The following RBFOX1 variants were observed in gnomAD, a reference collection of about 807,000 sequenced individuals.
The protein encoded by RBFOX1 is RNA binding fox-1 homolog 1.
In RBFOX1, 8 loss-of-function variants were observed where a neutral mutation model predicts 57.7. That is an observed-to-expected ratio of 0.14 (90% CI 0.08 to 0.25). RBFOX1 has a LOEUF of 0.25. Among genes scored for constraint, RBFOX1 ranks in the 10% least tolerant of loss-of-function variants. The probability of loss-of-function intolerance (pLI) is 1.00; values close to 1 mark genes in which losing one functional copy is unlikely to be tolerated. For missense variants in RBFOX1, 611 were observed against 548.5 expected, an observed-to-expected ratio of 1.11 and a Z score of -1.14; for synonymous variants, 326 against 222.4, an observed-to-expected ratio of 1.47 and a Z score of -4.15.
chr16:6,386,766 A>T (rs1389999858), intron 2 of RBFOX1, among the ~76,000 whole-genome samples: 1 of 152,142 alleles, frequency 6.6e-6, no homozygotes, highest in East Asian at 1.9e-4. Flanking sequence ...GGGAATCCAC[A>T]AAGATTCTCT....
chr16:6,814,815 C>T (rs1314815051), intron 3 of RBFOX1, among the ~76,000 whole-genome samples: 1 of 151,994 alleles, frequency 6.6e-6, no homozygotes, highest in East Asian at 1.9e-4. Flanking sequence ...GGGTTTATGT[C>T]CTGTGAGTGT....
intron 5 of RBFOX1, among the ~76,000 whole-genome samples, chr16:7,567,821 C>CTA (rs1425053974): frequency 4.7e-5 from 7 of 147,872 alleles, no homozygotes; most frequent in South Asian, 2.1e-4. Context: ...ATATATATAC[C>CTA]TATATATATC....
At chr16:7,534,933 G>T (rs867494242) in intron 5 of RBFOX1, among the ~76,000 whole-genome samples, 17 of 152,190 alleles carry the variant, frequency 1.1e-4, no homozygotes, top group African/African-American at 4.1e-4. Flanking sequence ...TGAGAATTCA[G>T]TGTCCTGACA....
chr16:7,107,758 A>C (rs1567285020), intron 4 of RBFOX1, among the ~76,000 whole-genome samples: 1 of 152,194 alleles, frequency 6.6e-6, no homozygotes, highest in Non-Finnish European at 1.5e-5. Flanking sequence ...ATAGCTTTTA[A>C]GCCCACACAG....
At chr16:5,909,115 C>CA (rs2058550783) in intron 4 of RBFOX1, among the ~76,000 whole-genome samples, 1 of 76,606 alleles carries the variant, frequency 1.3e-5, no homozygotes, top group Non-Finnish European at 2.4e-5. Context: ...TTTTTTGAGA[C>CA]AGAGTCTTGC....
intron 3 of RBFOX1, among the ~76,000 whole-genome samples, chr16:5,611,676 A>G (rs1567296513): frequency 6.8e-6 from 1 of 147,610 alleles, no homozygotes; most frequent in East Asian, 2.0e-4. Context: ...TCTCTCATCC[A>G]TCCATCCACC....
chr16:7,523,110 C>T (rs2077883597), intron 5 of RBFOX1, among the ~76,000 whole-genome samples: 1 of 152,170 alleles, frequency 6.6e-6, no homozygotes, highest in South Asian at 2.1e-4. Flanking sequence ...CTTTGTCTGG[C>T]TTCTTTTACT....
intron 1 of RBFOX1, among the ~76,000 whole-genome samples, chr16:6,193,210 C>T (rs1010384803): frequency 2.0e-4 from 30 of 151,252 alleles, no homozygotes; most frequent in Non-Finnish European, 1.5e-4. Context: ...TGGGGACTCT[C>T]GCAGCAGATT....
intron 3 of RBFOX1, among the ~76,000 whole-genome samples, chr16:6,945,692 A>T (rs1598027437): frequency 6.6e-6 from 1 of 152,054 alleles, no homozygotes; most frequent in African/African-American, 2.4e-5. Context: ...GGAGTTCAAG[A>T]CCAGCCTGGC....
intron 3 of RBFOX1, among the ~76,000 whole-genome samples, chr16:6,909,885 C>T (rs533578188): frequency 1.3e-5 from 2 of 152,216 alleles, no homozygotes; most frequent in South Asian, 4.1e-4. Context: ...GCCTGCATAT[C>T]GGTTCCTTTG....
At chr16:6,568,618 G>C (rs1290405898) in intron 2 of RBFOX1, among the ~76,000 whole-genome samples, 1 of 152,008 alleles carries the variant, frequency 6.6e-6, no homozygotes, top group Non-Finnish European at 1.5e-5. Context: ...GCCATCTTGG[G>C]GGTTCATTCT....
chr16:6,610,228 C>G (rs1355684516), intron 2 of RBFOX1, among the ~76,000 whole-genome samples: 2 of 152,120 alleles, frequency 1.3e-5, no homozygotes, highest in African/African-American at 4.8e-5. Flanking sequence ...TTCTTTTCCA[C>G]TGTTTGTTTT....
intron 1 of RBFOX1, among the ~76,000 whole-genome samples, chr16:6,201,622 A>T (rs1468092494): frequency 1.3e-5 from 2 of 152,262 alleles, no homozygotes; most frequent in East Asian, 3.9e-4. Flanking sequence ...GGGTGAGTAT[A>T]GTTAACTATA....
At chr16:5,748,393 G>A (rs1218113114) in intron 3 of RBFOX1, among the ~76,000 whole-genome samples, 2 of 152,178 alleles carry the variant, frequency 1.3e-5, no homozygotes, top group African/African-American at 2.4e-5. Context: ...TATTAGGTCT[G>A]CTTGGTGCAG....
intron 3 of RBFOX1, among the ~76,000 whole-genome samples, chr16:5,683,700 G>A (rs1033921001): frequency 6.6e-6 from 1 of 151,194 alleles, no homozygotes; most frequent in Non-Finnish European, 1.5e-5. Context: ...GTGGTCTTGT[G>A]ATCATGTAAG....
intron 3 of RBFOX1, among the ~76,000 whole-genome samples, chr16:5,790,205 C>T (rs2054642869): frequency 6.6e-6 from 1 of 152,348 alleles, no homozygotes. Flanking sequence ...TTCTTCCACG[C>T]CCACATCATC....
At chr16:5,627,114 T>A (rs1384641764) in intron 3 of RBFOX1, among the ~76,000 whole-genome samples, 1 of 152,254 alleles carries the variant, frequency 6.6e-6, no homozygotes, top group Admixed American at 6.5e-5. Context: ...TTAAACTTTT[T>A]CTTTTTACTT....
intron 3 of RBFOX1, among the ~76,000 whole-genome samples, chr16:7,023,969 G>C (rs1204376102): frequency 6.6e-6 from 1 of 152,088 alleles, no homozygotes; most frequent in East Asian, 1.9e-4. Flanking sequence ...ACTCTCCTAG[G>C]GGATGTTTTG....
At chr16:5,813,248 C>T (rs1177432797) in intron 3 of RBFOX1, among the ~76,000 whole-genome samples, 9 of 152,188 alleles carry the variant, frequency 5.9e-5, no homozygotes, top group South Asian at 2.1e-4. Context: ...CCTGATGATC[C>T]GCCTATTTCG....
Sources: allele counts gnomAD v4.1 joint callset (sites outside exome capture counted in the v4.1 genomes callset), GRCh38; gene constraint gnomAD v4.1.1; transcripts MANE v1.5; gene names NCBI Gene and HGNC (gene_info 2026-07-23, HGNC 2026-07-21).